The following ZNF704 variants were observed in gnomAD, a reference collection of about 807,000 sequenced individuals.
ZNF704 encodes zinc finger protein 704, also known as glucocorticoid induced gene 1.
Under a neutral mutation model 44.7 loss-of-function variants are expected in ZNF704, and 10 were observed. The ratio of observed to expected loss-of-function variants is 0.22; its 90% confidence interval spans 0.14 to 0.38. The LOEUF (loss-of-function observed/expected upper bound fraction) is 0.38. Ranked by LOEUF, ZNF704 falls within the 10% of genes least tolerant of loss-of-function variation. The probability of loss-of-function intolerance (pLI) is 1.00; values close to 1 mark genes in which losing one functional copy is unlikely to be tolerated. For missense variants in ZNF704, 390 were observed against 545.5 expected (o/e 0.71, Z 2.84); for synonymous variants, 211 against 207.6 (o/e 1.02, Z -0.14).
chr8:80,811,724 T>C (rs576345247), intron 2 of ZNF704, among the ~76,000 whole-genome samples: 1 of 152,206 alleles, frequency 6.6e-6, no homozygotes, highest in East Asian at 1.9e-4. Flanking sequence ...ATTTTTTTCT[T>C]TAAAAGGAGT....
chr8:80,788,251 T>A (rs1807646675), intron 2 of ZNF704, among the ~76,000 whole-genome samples: 1 of 152,204 alleles, frequency 6.6e-6, no homozygotes, highest in African/African-American at 2.4e-5. Flanking sequence ...AATTAGCAAA[T>A]GCTGGTCTTG....
intron 2 of ZNF704, among the ~76,000 whole-genome samples, chr8:80,696,291 T>C (rs909964582): frequency 5.9e-5 from 9 of 152,246 alleles, no homozygotes; most frequent in African/African-American, 2.2e-4. Flanking sequence ...GGCTTTTACC[T>C]TTTCAATTAA....
intron 2 of ZNF704, among the ~76,000 whole-genome samples, chr8:80,728,333 T>C (rs1045798918): frequency 6.6e-6 from 1 of 152,200 alleles, no homozygotes; most frequent in Non-Finnish European, 1.5e-5. Context: ...CAGGCCACAA[T>C]ACAGCTCTTG....
At chr8:80,756,876 G>C (rs1274900704) in intron 2 of ZNF704, among the ~76,000 whole-genome samples, 1 of 152,204 alleles carries the variant, frequency 6.6e-6, no homozygotes, top group East Asian at 1.9e-4. Flanking sequence ...AGTCCAGCTA[G>C]GCACACGGGC....
At chr8:80,687,199 C>T (rs748139883) in intron 4 of ZNF704, 27 bp downstream of exon 4, 1 of 1,594,474 alleles carries the variant, frequency 6.3e-7, no homozygotes, top group East Asian at 2.2e-5. Flanking sequence ...AAACTGAATG[C>T]AGAAGACCGC....
chr8:80,693,209 C>A, intron 2 of ZNF704, 102 bp from the exon 3 acceptor site: 1 of 909,258 alleles, frequency 1.1e-6, no homozygotes, highest in East Asian at 2.5e-5. Flanking sequence ...TAACTTATCC[C>A]CATGAACAAC....
intron 2 of ZNF704, among the ~76,000 whole-genome samples, chr8:80,716,816 G>C (rs911844593): frequency 6.6e-6 from 1 of 152,220 alleles, no homozygotes; most frequent in Non-Finnish European, 1.5e-5. Flanking sequence ...CTATTCATCA[G>C]TTTTAACCTA....
the ZNF704 span, among the ~76,000 whole-genome samples, chr8:80,882,559 C>T: frequency 6.6e-6 from 1 of 152,126 alleles, no homozygotes. Context: ...AATTTCTTCA[C>T]ATTTTCTTGC....
At chr8:80,804,645 T>C (rs527305664) in intron 2 of ZNF704, among the ~76,000 whole-genome samples, 26 of 152,048 alleles carry the variant, frequency 1.7e-4, no homozygotes, top group African/African-American at 5.8e-4. Context: ...CATGGACACA[T>C]GGTGGGGAAA....
At chr8:80,651,105 C>T (rs1585922907) in intron 7 of ZNF704, among the ~76,000 whole-genome samples, 1 of 152,174 alleles carries the variant, frequency 6.6e-6, no homozygotes, top group African/African-American at 2.4e-5. Flanking sequence ...ACTTTACAGA[C>T]AAGCAAATGC....
chr8:80,731,256 C>T (rs144858907), intron 2 of ZNF704, among the ~76,000 whole-genome samples: 82 of 152,238 alleles, frequency 5.4e-4, no homozygotes, highest in African/African-American at 1.9e-3. Context: ...ATTTAAAATA[C>T]TTGCCACTTA....
At position 80,670,606 on chromosome 8, in the gene ZNF704, G is replaced by A; in HGVS notation, c.559-3C>T. 9 of 1,591,360 alleles carry A rather than the reference G, an allele frequency of 5.7e-6. No homozygotes were observed. The highest frequency in any genetic ancestry group is 7.8e-6 in the Non-Finnish European group (9 of 1,159,340). The stretch of plus-strand genomic sequence containing the variant: ...TTGAACATCACCTTCATGGAATTCT[G>A]TAAAGGGGAGAGAGTGATATTAGAA... On this transcript the variant is annotated splice_region_variant and splice_polypyrimidine_tract_variant and intron_variant, in intron 4 of 8. Coordinates refer to ENST00000327835, the MANE Select transcript of ZNF704 (RefSeq NM_001033723.3).
chr8:80,881,739 C>T, the ZNF704 span, among the ~76,000 whole-genome samples: 2 of 152,014 alleles, frequency 1.3e-5, no homozygotes, highest in African/African-American at 4.8e-5. Flanking sequence ...ACCAGCCTGG[C>T]CAACAAGGCA....
Position 80,637,028 on chromosome 8 carries a change from T to C in ZNF704, c.*4338A>G, listed in dbSNP as rs1817673864. 1 of 152,012 alleles carries C rather than the reference T, an allele frequency of 6.6e-6. No homozygotes were observed. Among genetic ancestry groups the C allele is most frequent in the Admixed American group, 6.6e-5 (1 of 15,250 alleles). 9.4% of individuals were successfully genotyped at this position (152,012 alleles called of 1,614,324 possible). On this transcript the variant is annotated 3_prime_UTR_variant, in exon 9 of 9. Coordinates refer to ENST00000327835, the MANE Select transcript of ZNF704 (RefSeq NM_001033723.3). ...ACATTCAGAAAAAGCCTTACGTGAG[T>C]CTAGGAATACCACCCCCACCCCGTC...
intron 1 of ZNF704, among the ~76,000 whole-genome samples, chr8:80,847,621 A>G (rs1808788887): frequency 6.6e-6 from 1 of 152,214 alleles, no homozygotes; most frequent in Admixed American, 6.5e-5. Context: ...CCAGCAGAGC[A>G]CATCAATGAA....
At chr8:80,756,427 C>G (rs565380962) in intron 2 of ZNF704, among the ~76,000 whole-genome samples, 1 of 152,136 alleles carries the variant, frequency 6.6e-6, no homozygotes, top group Non-Finnish European at 1.5e-5. Context: ...TTATCATTTC[C>G]ATTTTACAGA....
intron 3 of ZNF704, among the ~76,000 whole-genome samples, chr8:80,690,785 G>C (rs1403179953): frequency 6.6e-6 from 1 of 152,184 alleles, no homozygotes; most frequent in African/African-American, 2.4e-5. Context: ...AAGGCAGGCG[G>C]ATCACCTGAT....
At chr8:80,856,591 C>T (rs1808965767) in intron 1 of ZNF704, among the ~76,000 whole-genome samples, 1 of 151,770 alleles carries the variant, frequency 6.6e-6, no homozygotes, top group Non-Finnish European at 1.5e-5. Flanking sequence ...TTTTGTTTTT[C>T]TTCCTTCCAG....
the ZNF704 span, among the ~76,000 whole-genome samples, chr8:80,882,696 C>G: frequency 6.6e-6 from 1 of 152,130 alleles, no homozygotes; most frequent in Non-Finnish European, 1.5e-5. Context: ...TTATCATTTT[C>G]CTTCAATTTT....
Sources: gnomAD v4.1 joint callset for allele counts (sites outside exome capture counted in the v4.1 genomes callset) on GRCh38, gnomAD v4.1.1 for gene constraint, MANE v1.5 for transcripts, NCBI Gene and HGNC (gene_info 2026-07-23, HGNC 2026-07-21) for gene names.